Variants in NELL1 observed in about 807,000 individuals in gnomAD.
NELL1 encodes the protein protein kinase C-binding protein NELL1.
A neutral mutation model predicts 107.4 loss-of-function variants in NELL1; 76 were observed. The observed-to-expected ratio is 0.71, with a 90% CI of 0.59 to 0.86. The LOEUF is 0.86. NELL1 is among the 40% of genes least tolerant of loss of function. The pLI is 0.00. For synonymous variants in NELL1, 353 were observed against 341.2 expected, an observed-to-expected ratio of 1.03 and a Z score of -0.38; for missense variants, 1,024 against 1,005.5, an observed-to-expected ratio of 1.02 and a Z score of -0.25.
intron 12 of NELL1, among the ~76,000 whole-genome samples, chr11:21,068,872 T>C (rs1248727176): frequency 6.6e-6 from 1 of 152,156 alleles, no homozygotes; most frequent in Non-Finnish European, 1.5e-5. Context: ...TAATATGTAT[T>C]AAATAAATGA....
intron 15 of NELL1, among the ~76,000 whole-genome samples, chr11:21,440,595 C>T (rs956120981): frequency 6.6e-6 from 1 of 152,134 alleles, no homozygotes. Flanking sequence ...ATTAATATAA[C>T]ATCATAGTGA....
At chr11:20,897,333 A>G (rs1027720886) in intron 5 of NELL1, among the ~76,000 whole-genome samples, 1 of 152,350 alleles carries the variant, frequency 6.6e-6, no homozygotes, top group Admixed American at 6.5e-5. Context: ...TATTTAATAA[A>G]TGGTGCTGGG....
At chr11:20,981,485 A>G (rs1256529497) in intron 12 of NELL1, among the ~76,000 whole-genome samples, 1 of 152,166 alleles carries the variant, frequency 6.6e-6, no homozygotes, top group Non-Finnish European at 1.5e-5. Flanking sequence ...GTGGTAGGAT[A>G]TGAAGTGATG....
chr11:20,932,943 G>T (rs561534041), intron 9 of NELL1, among the ~76,000 whole-genome samples: 1 of 152,364 alleles, frequency 6.6e-6, no homozygotes, highest in South Asian at 2.1e-4. Flanking sequence ...AACGTCATAG[G>T]TAACAGCTGA....
At chr11:20,782,782 A>G (rs1018159652) in intron 2 of NELL1, among the ~76,000 whole-genome samples, 4 of 152,224 alleles carry the variant, frequency 2.6e-5, no homozygotes, top group Non-Finnish European at 5.9e-5. Context: ...AATCTTCTCT[A>G]ACTTTGCTCC....
At position 21,319,066 on chromosome 11, in the gene NELL1, A is replaced by G. The variant is rs550537211; in HGVS notation, c.1550-51787A>G. On this transcript the variant is annotated intron_variant, in intron 14 of 19. Coordinates refer to ENST00000357134, the MANE Select transcript of NELL1 (RefSeq NM_006157.5). ...TATTACTTATATGCATGTAAATATG[A>G]TTCCTCAAATTAGAATATTCTAAGT... is the stretch of plus-strand genomic sequence containing the variant. Among the ~76,000 whole-genome samples, 4 of 152,074 alleles carry G rather than the reference A, an allele frequency of 2.6e-5. No homozygotes were observed. The South Asian group carries it at 6.2e-4, about 24-fold the overall frequency.
intron 14 of NELL1, among the ~76,000 whole-genome samples, chr11:21,334,996 A>C (rs1850358224): frequency 6.6e-6 from 1 of 152,016 alleles, no homozygotes; most frequent in Non-Finnish European, 1.5e-5. Flanking sequence ...TCTTTGCGTC[A>C]ACAGAATTAG....
intron 2 of NELL1, among the ~76,000 whole-genome samples, chr11:20,770,602 A>G (rs946594807): frequency 6.6e-6 from 1 of 152,258 alleles, no homozygotes; most frequent in African/African-American, 2.4e-5. Flanking sequence ...AGACCTCCTC[A>G]GCAGTGACTC....
At chr11:21,038,679 A>G (rs998999151) in intron 12 of NELL1, among the ~76,000 whole-genome samples, 1 of 152,152 alleles carries the variant, frequency 6.6e-6, no homozygotes, top group Non-Finnish European at 1.5e-5. Flanking sequence ...CATTGCATTT[A>G]TCATGATCTG....
intron 12 of NELL1, among the ~76,000 whole-genome samples, chr11:21,022,294 G>T (rs915082605): frequency 1.6e-4 from 24 of 152,078 alleles, no homozygotes; most frequent in Admixed American, 1.6e-3. Flanking sequence ...CACACCTGTT[G>T]TACCACCAAA....
At chr11:20,780,143 G>T (rs144849043) in intron 2 of NELL1, among the ~76,000 whole-genome samples, 3 of 152,136 alleles carry the variant, frequency 2.0e-5, no homozygotes, top group Non-Finnish European at 4.4e-5. Flanking sequence ...TTACTTCAGT[G>T]TGCCAATCAT....
intron 2 of NELL1, among the ~76,000 whole-genome samples, chr11:20,739,253 C>T (rs1482033084): frequency 6.6e-6 from 1 of 152,186 alleles, no homozygotes; most frequent in African/African-American, 2.4e-5. Context: ...CCTTCCAGGG[C>T]CCGTTGACAT....
chr11:21,504,584 A>G (rs1470983817), intron 15 of NELL1, among the ~76,000 whole-genome samples: 1 of 152,112 alleles, frequency 6.6e-6, no homozygotes, highest in Non-Finnish European at 1.5e-5. Flanking sequence ...TTTACCTATA[A>G]TAGGCTTTGG....
chr11:21,166,044 C>T (rs991746208), intron 13 of NELL1, among the ~76,000 whole-genome samples: 5 of 151,666 alleles, frequency 3.3e-5, no homozygotes, highest in Admixed American at 1.3e-4. Context: ...GGTAAGCCAC[C>T]GTGCCTGGCC....
At chr11:20,932,161 CA>C (rs1461888954) in intron 9 of NELL1, among the ~76,000 whole-genome samples, 14 of 152,118 alleles carry the variant, frequency 9.2e-5, no homozygotes, top group Non-Finnish European at 1.5e-4. Flanking sequence ...CCTATTTGCA[CA>C]TTAAAATCCT....
chr11:20,764,844 A>G (rs536052202), intron 2 of NELL1, among the ~76,000 whole-genome samples: 2 of 152,198 alleles, frequency 1.3e-5, no homozygotes, highest in South Asian at 4.2e-4. Flanking sequence ...CAATCAAGGA[A>G]TGAGAACTGG....
At chr11:21,282,441 T>C (rs950116335) in intron 14 of NELL1, among the ~76,000 whole-genome samples, 2 of 136,078 alleles carry the variant, frequency 1.5e-5, no homozygotes, top group African/African-American at 5.7e-5. Flanking sequence ...CATCATACCA[T>C]GCACTCCAGC....
chr11:21,411,413 TCA>T (rs1852373312), intron 15 of NELL1, among the ~76,000 whole-genome samples: 1 of 152,058 alleles, frequency 6.6e-6, no homozygotes, highest in Admixed American at 6.6e-5. Flanking sequence ...GCTTAAGTGG[TCA>T]CACCTCTATA....
intron 12 of NELL1, among the ~76,000 whole-genome samples, chr11:21,043,318 G>A (rs764730028): frequency 1.6e-4 from 24 of 152,066 alleles, no homozygotes; most frequent in Non-Finnish European, 2.4e-4. Flanking sequence ...ATTCTGGGTG[G>A]GAGATGGATA....
Sources: allele counts gnomAD v4.1 joint callset (sites outside exome capture counted in the v4.1 genomes callset), GRCh38; gene constraint gnomAD v4.1.1; transcripts MANE v1.5; gene names NCBI Gene and HGNC (gene_info 2026-07-23, HGNC 2026-07-21).